Variants in ERN1 observed in about 807,000 individuals in gnomAD.
The protein encoded by ERN1 is endoplasmic reticulum to nucleus signaling 1.
ERN1 carries 39 observed loss-of-function variants against 113.1 expected under a neutral mutation model. The observed-to-expected ratio is 0.34, with a 90% CI of 0.27 to 0.45. The LOEUF is 0.45. Among genes scored for constraint, ERN1 ranks in the 20% least tolerant of loss-of-function variants. The probability of loss-of-function intolerance (pLI) is 1.00; values close to 1 mark genes in which losing one functional copy is unlikely to be tolerated. For synonymous variants in ERN1, 507 were observed against 515.9 expected, an observed-to-expected ratio of 0.98 and a Z score of 0.23; for missense variants, 976 against 1,274.8, an observed-to-expected ratio of 0.77 and a Z score of 3.57.
At chr17:64,108,551 G>C (rs1215363603) in intron 1 of ERN1, among the ~76,000 whole-genome samples, 1 of 152,142 alleles carries the variant, frequency 6.6e-6, no homozygotes, top group African/African-American at 2.4e-5. Context: ...TAGGAAAACT[G>C]AAACCCAAGG....
intron 2 of ERN1, among the ~76,000 whole-genome samples, chr17:64,085,495 C>T (rs1263975612): frequency 2.0e-5 from 3 of 152,148 alleles, no homozygotes; most frequent in Non-Finnish European, 4.4e-5. Context: ...AGGGATCCAC[C>T]CCCAAGACCC....
At chr17:64,111,972 C>G (rs940252170) in intron 1 of ERN1, among the ~76,000 whole-genome samples, 1 of 152,208 alleles carries the variant, frequency 6.6e-6, no homozygotes, top group East Asian at 1.9e-4. Context: ...CTCCTCATCT[C>G]TTACCCTCAT....
chr17:64,060,443 C>G (rs1351894678), intron 11 of ERN1, 26 bp downstream of exon 11: 13 of 1,477,800 alleles, frequency 8.8e-6, no homozygotes, highest in Middle Eastern at 1.7e-4. Flanking sequence ...CACCAACAAC[C>G]CCCGACTGGT....
chr17:64,102,164 C>A (rs1598080737), intron 1 of ERN1, among the ~76,000 whole-genome samples: 2 of 152,004 alleles, frequency 1.3e-5, no homozygotes, highest in South Asian at 4.2e-4. Flanking sequence ...CAGACACCTG[C>A]AATCCCAGCT....
At chr17:64,056,859 C>T (rs1912888288) in intron 12 of ERN1, among the ~76,000 whole-genome samples, 1 of 152,174 alleles carries the variant, frequency 6.6e-6, no homozygotes, top group African/African-American at 2.4e-5. Flanking sequence ...AAAAGTGAAA[C>T]TATCAGGTGC....
intron 6 of ERN1, among the ~76,000 whole-genome samples, chr17:64,069,644 T>C (rs1913347158): frequency 6.6e-6 from 1 of 152,196 alleles, no homozygotes; most frequent in African/African-American, 2.4e-5. Flanking sequence ...GATATGTGTC[T>C]CTCTTTCCTG....
At chr17:64,097,311 T>C (rs533846863) in intron 2 of ERN1, among the ~76,000 whole-genome samples, 12 of 152,366 alleles carry the variant, frequency 7.9e-5, no homozygotes, top group African/African-American at 2.6e-4. Context: ...CCATCTAGCA[T>C]ACTGTTTTGG....
chr17:64,067,668 T>G (rs1913278208), intron 7 of ERN1, among the ~76,000 whole-genome samples: 1 of 151,382 alleles, frequency 6.6e-6, no homozygotes, highest in Admixed American at 6.6e-5. Flanking sequence ...CACTGTCCCA[T>G]CAGATTCACA....
chr17:64,111,705 T>C (rs1010890732), intron 1 of ERN1, among the ~76,000 whole-genome samples: 1 of 152,202 alleles, frequency 6.6e-6, no homozygotes, highest in African/African-American at 2.4e-5. Flanking sequence ...GAAGTGGACC[T>C]GGGCATCTGG....
At chr17:64,095,289 C>T (rs1310747449) in intron 2 of ERN1, among the ~76,000 whole-genome samples, 2 of 152,082 alleles carry the variant, frequency 1.3e-5, no homozygotes, top group African/African-American at 4.8e-5. Context: ...ATTAGCCAGG[C>T]ATAGTGGCGC....
At chr17:64,098,627 C>T (rs770742319) in intron 1 of ERN1, 3 of 525,648 alleles carry the variant, frequency 5.7e-6, no homozygotes, top group Admixed American at 3.9e-5. Flanking sequence ...ATGCCAATAC[C>T]CACGCATACA....
intron 1 of ERN1, among the ~76,000 whole-genome samples, chr17:64,101,483 C>T (rs1914383838): frequency 6.6e-6 from 1 of 151,902 alleles, no homozygotes; most frequent in Non-Finnish European, 1.5e-5. Context: ...TTTTAAACTT[C>T]CAATAATATG....
chr17:64,066,658 G>A lies in ERN1; in HGVS notation c.842+13C>T, dbSNP rs1913235710. On this transcript the variant is annotated intron_variant, in intron 8 of 21. Transcript: ENST00000433197. ...CCACGGCCGCCCTCTCCTTCCCCGA[G>A]CTCCCAACTCACGTCAGCTTGCTCT... is the stretch of plus-strand genomic sequence containing the variant. 1 of 1,612,242 alleles carries A rather than the reference G, an allele frequency of 6.2e-7. No homozygotes were observed. The highest frequency in any genetic ancestry group is 8.5e-7 in the Non-Finnish European group (1 of 1,178,414).
intron 2 of ERN1, chr17:64,097,908 C>T (rs941939023): frequency 1.6e-4 from 88 of 552,446 alleles, no homozygotes; most frequent in African/African-American, 1.2e-3. Flanking sequence ...GAAGATAAAA[C>T]GTGCTTCTTT....
Position 64,064,037 on chromosome 17 carries a change from G to T in ERN1, c.1036C>A (p.Leu346Ile), listed in dbSNP as rs761572639. The T allele has an allele frequency of 6.2e-7, 1 of 1,613,970 alleles. No homozygotes were observed. The highest frequency in any genetic ancestry group is 8.5e-7 in the Non-Finnish European group (1 of 1,179,870). The change falls in exon 10 of 22, where the codon CTC becomes ATC. Residue 346 changes from leucine (L) to isoleucine (I), a missense_variant. Physicochemically the swap from Leu to Ile is conservative, Grantham distance 5 (BLOSUM62 2). Around this residue, in one of 5 missense-constraint regions of ERN1, gnomAD observed 459 missense variants for 581.2 expected, o/e 0.79. Coordinates refer to ENST00000433197, the MANE Select transcript of ERN1 (RefSeq NM_001433.5). ...TAGTTGAGCTTGTTCTTGCTTTTGA[G>T]TCCGGGATCAAACTTGACGTCCGTG... The part of the protein sequence containing the change: ...PSTDVKFDPG[L>I]KSKNKLNYLR...
intron 1 of ERN1, 160 bp downstream of exon 1, chr17:64,129,816 C>T: frequency 3.3e-6 from 2 of 605,288 alleles, no homozygotes; most frequent in Non-Finnish European, 4.8e-6. Flanking sequence ...GGTGCCGCCT[C>T]CTACGCCCGG....
intron 7 of ERN1, among the ~76,000 whole-genome samples, chr17:64,067,397 C>A (rs1442131956): frequency 6.8e-6 from 1 of 147,544 alleles, no homozygotes; most frequent in Non-Finnish European, 1.5e-5. Flanking sequence ...CAAGACCAGC[C>A]TGGGCAACAT....
At chr17:64,076,189 T>A (rs1257960273) in intron 4 of ERN1, among the ~76,000 whole-genome samples, 3 of 152,372 alleles carry the variant, frequency 2.0e-5, no homozygotes, top group Non-Finnish European at 2.9e-5. Flanking sequence ...TGTTTCAGTA[T>A]ACTTTATTTT....
At chr17:64,052,289 G>C (rs1471862908) in intron 17 of ERN1, among the ~76,000 whole-genome samples, 3 of 152,124 alleles carry the variant, frequency 2.0e-5, no homozygotes, top group African/African-American at 7.2e-5. Context: ...CTTGAAGTTT[G>C]CTCACGCTAA....
Sources: allele counts gnomAD v4.1 joint callset (sites outside exome capture counted in the v4.1 genomes callset), GRCh38; gene constraint gnomAD v4.1.1; regional missense constraint gnomAD v4.1.1; transcripts MANE v1.5; gene names NCBI Gene and HGNC (gene_info 2026-07-23, HGNC 2026-07-21).